The following GALNT11 variants were observed in gnomAD, a reference collection of about 807,000 sequenced individuals.
The protein encoded by GALNT11 is polypeptide N-acetylgalactosaminyltransferase 11.
Under a neutral mutation model 72.7 loss-of-function variants are expected in GALNT11, and 47 were observed. The observed-to-expected ratio is 0.65, with a 90% CI of 0.51 to 0.82. The LOEUF (loss-of-function observed/expected upper bound fraction) is 0.82. Among genes scored for constraint, GALNT11 ranks in the 40% least tolerant of loss-of-function variants. The pLI is 0.00. For missense variants in GALNT11, 677 were observed against 778.4 expected, an observed-to-expected ratio of 0.87 and a Z score of 1.55; for synonymous variants, 270 against 286.6, an observed-to-expected ratio of 0.94 and a Z score of 0.58.
rs71198755 is a variant in GALNT11, at chr7:152,058,158, TA to T, written c.-39+32283del. 4.7e-3 allele frequency among the ~76,000 whole-genome samples: 712 copies of T among 151,318 alleles called. 3 individuals carry two copies. Among genetic ancestry groups the T allele is most frequent in the South Asian group, 8.6e-3 (41 of 4,764 alleles). On this transcript the variant is annotated intron_variant, in intron 1 of 11. Coordinates refer to ENST00000430044, the MANE Select transcript of GALNT11 (RefSeq NM_022087.4). ...TTAAGTGTGCAATAGCATTATAGCT[TA>T]AAAAAAAAGCCCAATGTGCATGCCT...
chr7:152,041,981 A>C (rs1425475124), intron 1 of GALNT11, among the ~76,000 whole-genome samples: 2 of 152,232 alleles, frequency 1.3e-5, no homozygotes, highest in Non-Finnish European at 2.9e-5. Flanking sequence ...TATTGGAGTA[A>C]TATTTCTTGA....
At chr7:152,075,476 T>C (rs990457437) in intron 1 of GALNT11, among the ~76,000 whole-genome samples, 11 of 152,276 alleles carry the variant, frequency 7.2e-5, no homozygotes, top group African/African-American at 2.7e-4. Context: ...CAAACTACCC[T>C]GCCTGGTAGC....
chr7:152,082,325 A>G (rs1214459918), intron 1 of GALNT11, among the ~76,000 whole-genome samples: 3 of 152,206 alleles, frequency 2.0e-5, no homozygotes, highest in East Asian at 3.8e-4. Context: ...AACAAAGGAG[A>G]CAGGGTCATT....
intron 1 of GALNT11, among the ~76,000 whole-genome samples, chr7:152,041,916 G>T (rs1445614627): frequency 1.3e-5 from 2 of 152,194 alleles, no homozygotes; most frequent in Non-Finnish European, 2.9e-5. Flanking sequence ...TCTGAATTTT[G>T]TCAGGAGCTG....
chr7:152,121,767 A>C lies in GALNT11; in HGVS notation c.*90A>C. 1 of 1,492,850 alleles carries C rather than the reference A, an allele frequency of 6.7e-7. No homozygotes were observed. The highest frequency in any genetic ancestry group is 9.1e-7 in the Non-Finnish European group (1 of 1,103,738). 92.5% of individuals were successfully genotyped at this position (1,492,850 alleles called of 1,614,324 possible). On this transcript the variant is annotated 3_prime_UTR_variant, in exon 12 of 12. Coordinates refer to ENST00000430044, the MANE Select transcript of GALNT11 (RefSeq NM_022087.4). ...TAGGAAAGCCTGGGTTGGGTGGAGCAGAACCATCTTGGAGAAGATGACAGT... is the reference window on the plus strand; with the variant it reads ...TAGGAAAGCCTGGGTTGGGTGGAGCCGAACCATCTTGGAGAAGATGACAGT...
At chr7:152,102,410 C>G (rs1417975403) in intron 3 of GALNT11, among the ~76,000 whole-genome samples, 1 of 151,818 alleles carries the variant, frequency 6.6e-6, no homozygotes, top group Non-Finnish European at 1.5e-5. Context: ...GGCGTGGTGG[C>G]GCAGGCCTGT....
chr7:152,055,364 T>C (rs1168557817), intron 1 of GALNT11, among the ~76,000 whole-genome samples: 1 of 152,190 alleles, frequency 6.6e-6, no homozygotes, highest in Non-Finnish European at 1.5e-5. Flanking sequence ...CATAATTTTG[T>C]ATGAAATGCA....
chr7:152,032,770 C>T (rs1023220600), intron 1 of GALNT11, among the ~76,000 whole-genome samples: 14 of 152,164 alleles, frequency 9.2e-5, no homozygotes, highest in African/African-American at 3.4e-4. Flanking sequence ...AAATGGGTAA[C>T]TTGTTCCCCA....
chr7:152,101,948 A>G (rs888739938), intron 3 of GALNT11, among the ~76,000 whole-genome samples: 21 of 152,016 alleles, frequency 1.4e-4, no homozygotes, highest in Non-Finnish European at 2.2e-4. Flanking sequence ...TGGCTTTTTG[A>G]TGTTGCTTAA....
chr7:152,069,868 C>G lies in GALNT11; in HGVS notation c.-38-24322C>G, dbSNP rs77029342. On this transcript the variant is annotated intron_variant, in intron 1 of 11. Coordinates refer to ENST00000430044, the MANE Select transcript of GALNT11 (RefSeq NM_022087.4). ...AAAAAATTTTGTCCACTGTGACACT[C>G]TCTTTTGATTGGTGTATTTAGACAA... Among the ~76,000 whole-genome samples, 807 of 152,234 alleles carry G rather than the reference C, an allele frequency of 5.3e-3. 8 individuals are homozygous for G. The highest frequency in any genetic ancestry group is 0.019 in the African/African-American group (775 of 41,538).
chr7:152,119,333 A>T (rs2089203015), intron 10 of GALNT11: 1 of 152,194 alleles, frequency 6.6e-6, no homozygotes, highest in South Asian at 2.1e-4. Flanking sequence ...TTAGAACGGT[A>T]ATTTCAAACT....
chr7:152,051,140 G>A (rs1007042537), intron 1 of GALNT11, among the ~76,000 whole-genome samples: 1 of 149,968 alleles, frequency 6.7e-6, no homozygotes, highest in Non-Finnish European at 1.5e-5. Context: ...GAAGATGATT[G>A]GTGGAGGCTT....
Position 152,094,488 on chromosome 7 carries a change from A to T in GALNT11, c.261A>T (p.Pro87=). 1.2e-6 allele frequency: 2 copies of T among 1,612,416 alleles called. No individual in the cohort carries two copies. Among genetic ancestry groups the T allele is most frequent in the East Asian group, 4.5e-5 (2 of 44,866 alleles). Residue 87 remains proline, a synonymous_variant, in exon 2 of 12, where the codon CCA becomes CCT. Transcript: ENST00000430044. The surrounding 1 kb of genome is among the most constrained non-coding windows in gnomAD (Gnocchi z 4.3). ...TGATAGACAGTCGTGTTGAAGATCCAGAAGAAGGCCACTTGAAATTCTCTT... is the reference window on the plus strand; with the variant it reads ...TGATAGACAGTCGTGTTGAAGATCCTGAAGAAGGCCACTTGAAATTCTCTT... The part of the protein sequence containing the change: ...DDVIDSRVED[P]EEGHLKFSSE...
intron 1 of GALNT11, among the ~76,000 whole-genome samples, chr7:152,033,549 C>A (rs980222202): frequency 6.6e-6 from 1 of 152,174 alleles, no homozygotes; most frequent in African/African-American, 2.4e-5. Context: ...ATTTTACAAT[C>A]AATTGACTCT....
chr7:152,065,820 A>T (rs2084275575), intron 1 of GALNT11, among the ~76,000 whole-genome samples: 1 of 152,140 alleles, frequency 6.6e-6, no homozygotes, highest in South Asian at 2.1e-4. Context: ...TCAGAGGGGT[A>T]CCCAGCTATG....
chr7:152,106,027 A>G (rs1001415729), intron 5 of GALNT11, among the ~76,000 whole-genome samples: 4 of 152,122 alleles, frequency 2.6e-5, no homozygotes, highest in Non-Finnish European at 5.9e-5. Flanking sequence ...GTTACGTTAT[A>G]TTGATTCTGT....
chr7:152,121,096 C>G, intron 11 of GALNT11, 128 bp downstream of exon 11: 2 of 1,057,884 alleles, frequency 1.9e-6, no homozygotes, highest in East Asian at 2.6e-5. Flanking sequence ...GTGGTCCCCC[C>G]AGAAACCACA....
chr7:152,099,530 GTTTTTTTTTT>G (rs1009548038), intron 2 of GALNT11, among the ~76,000 whole-genome samples: 11 of 57,790 alleles, frequency 1.9e-4, no homozygotes, highest in East Asian at 1.2e-3. Flanking sequence ...CTCCCGCCTA[GTTTTTTTTTT>G]TTTTTTTTTT....
chr7:152,037,931 G>T (rs575767867), intron 1 of GALNT11, among the ~76,000 whole-genome samples: 1 of 152,088 alleles, frequency 6.6e-6, no homozygotes, highest in South Asian at 2.1e-4. Flanking sequence ...ACCACACCCG[G>T]CTAATTTTTG....
Sources: gnomAD v4.1 joint callset for allele counts (sites outside exome capture counted in the v4.1 genomes callset) on GRCh38, gnomAD v4.1.1 for gene constraint, Gnocchi (gnomAD v3.1) non-coding constraint, MANE v1.5 for transcripts, NCBI Gene and HGNC (gene_info 2026-07-23, HGNC 2026-07-21) for gene names.